Variants in ODAD2 observed in about 807,000 individuals in gnomAD.
ODAD2 encodes outer dynein arm-docking complex subunit 2.
ODAD2 carries 89 observed loss-of-function variants against 106.8 expected under a neutral mutation model. The ratio of observed to expected loss-of-function variants is 0.83; its 90% CI spans 0.70 to 0.99. The LOEUF is 0.99. ODAD2 is among the 50% of genes least tolerant of loss of function. The probability of loss-of-function intolerance (pLI) is 0.00; values close to 1 mark genes in which losing one functional copy is unlikely to be tolerated. For missense variants in ODAD2, 1,168 were observed against 1,238.5 expected (o/e 0.94, Z 0.85); for synonymous variants, 404 against 436.2 (o/e 0.93, Z 0.92).
At chr10:27,984,981 C>A (rs1266557794) in intron 4 of ODAD2, 38 bp downstream of exon 4, 18 of 1,529,830 alleles carry the variant, frequency 1.2e-5, no homozygotes, top group Admixed American at 9.4e-5. Flanking sequence ...GCAATCTTGG[C>A]TCAATACAAT....
At chr10:27,854,491 T>C (rs1839519223) in intron 19 of ODAD2, among the ~76,000 whole-genome samples, 1 of 152,140 alleles carries the variant, frequency 6.6e-6, no homozygotes, top group South Asian at 2.1e-4. Flanking sequence ...CACAGTGGCT[T>C]ACGCTTGTAA....
intron 17 of ODAD2, among the ~76,000 whole-genome samples, chr10:27,869,847 T>G (rs1564447546): frequency 6.6e-6 from 1 of 152,116 alleles, no homozygotes; most frequent in Admixed American, 6.6e-5. Context: ...CCAAGTCACT[T>G]CTAAGGGAAA....
chr10:27,816,912 G>C (rs1285755532), intron 19 of ODAD2, among the ~76,000 whole-genome samples: 2 of 152,124 alleles, frequency 1.3e-5, no homozygotes, highest in African/African-American at 4.8e-5. Context: ...ACCACACCCA[G>C]CTAATTTTTG....
intron 19 of ODAD2, among the ~76,000 whole-genome samples, chr10:27,825,711 C>T (rs1453584808): frequency 6.6e-6 from 1 of 152,172 alleles, no homozygotes; most frequent in East Asian, 1.9e-4. Flanking sequence ...ACAAGACAAT[C>T]CATAGCCTGG....
At chr10:27,842,130 C>T (rs1838349492) in intron 19 of ODAD2, among the ~76,000 whole-genome samples, 1 of 152,182 alleles carries the variant, frequency 6.6e-6, no homozygotes, top group South Asian at 2.1e-4. Flanking sequence ...GTTGTCCCTT[C>T]ATTAGTCTTC....
At chr10:27,931,640 A>G (rs1417167660) in intron 16 of ODAD2, among the ~76,000 whole-genome samples, 1 of 151,398 alleles carries the variant, frequency 6.6e-6, no homozygotes, top group South Asian at 2.1e-4. Context: ...CAGTGGATAC[A>G]ACTGAAAAGT....
Position 27,812,314 on chromosome 10 carries a change from G to A in ODAD2, c.*198C>T, listed in dbSNP as rs1038192487. ...TCCATCTTATCACATGTCATATCTCGAAAACATTAAATAGAAACAAAAGTC... is the reference window on the plus strand; with the variant it reads ...TCCATCTTATCACATGTCATATCTCAAAAACATTAAATAGAAACAAAAGTC... On this transcript the variant is annotated 3_prime_UTR_variant, in exon 20 of 20. Transcript: ENST00000305242. The A allele has an allele frequency of 3.3e-5, 18 of 551,272 alleles. No homozygotes were observed. Among genetic ancestry groups the A allele is most frequent in the African/African-American group, 4.0e-5 (2 of 50,398 alleles). The allele number at this position is 551,272 out of a possible 1,614,324, so 34.1% of individuals were successfully genotyped here.
At chr10:27,826,032 A>G (rs1404265791) in intron 19 of ODAD2, among the ~76,000 whole-genome samples, 2 of 152,186 alleles carry the variant, frequency 1.3e-5, no homozygotes, top group Non-Finnish European at 2.9e-5. Flanking sequence ...TCAATTCCAC[A>G]TTAATTAATC....
At chr10:27,973,171 C>T (rs544831097) in intron 7 of ODAD2, among the ~76,000 whole-genome samples, 1 of 151,962 alleles carries the variant, frequency 6.6e-6, no homozygotes, top group South Asian at 2.1e-4. Context: ...TTATACAATG[C>T]TCATAAAGAA....
intron 19 of ODAD2, among the ~76,000 whole-genome samples, chr10:27,819,613 A>G (rs1338680222): frequency 6.7e-6 from 1 of 148,536 alleles, no homozygotes; most frequent in Admixed American, 6.7e-5. Context: ...TTAACCAGAC[A>G]TAGGTGTGGT....
At chr10:27,986,388 A>C (rs1409637607) in intron 3 of ODAD2, among the ~76,000 whole-genome samples, 1 of 152,216 alleles carries the variant, frequency 6.6e-6, no homozygotes, top group Non-Finnish European at 1.5e-5. Flanking sequence ...TAGCAAATGG[A>C]TAAGTATTCA....
rs149168196 is a variant in ODAD2, at chr10:27,981,464, A to G, written c.936+2T>C. The G allele has an allele frequency of 1.3e-5, 20 of 1,499,206 alleles. No homozygotes were observed. The highest frequency in any genetic ancestry group is 1.8e-5 in the Non-Finnish European group (20 of 1,133,498). The allele number at this position is 1,499,206 out of a possible 1,614,324, so 92.9% of individuals were successfully genotyped here. On this transcript the variant is annotated splice_donor_variant, in intron 7 of 19. Coordinates refer to ENST00000305242, the MANE Select transcript of ODAD2 (RefSeq NM_018076.5). LOFTEE classifies it high-confidence loss of function. Reference sequence around the variant, plus strand: ...AAGCTCAAAAGAAACCATAAAACTTACCAATTTAGACATATTTTCTGAAAA... The same window carrying G: ...AAGCTCAAAAGAAACCATAAAACTTGCCAATTTAGACATATTTTCTGAAAA...
chr10:27,988,875 C>T (rs759699202), intron 2 of ODAD2, among the ~76,000 whole-genome samples: 1 of 152,080 alleles, frequency 6.6e-6, no homozygotes, highest in Non-Finnish European at 1.5e-5. Flanking sequence ...AGTCAAGGAT[C>T]CTGAGATGGG....
At chr10:27,935,617 T>C (rs1027977436) in intron 15 of ODAD2, among the ~76,000 whole-genome samples, 1 of 152,078 alleles carries the variant, frequency 6.6e-6, no homozygotes, top group African/African-American at 2.4e-5. Flanking sequence ...ATATTTTTGT[T>C]TTCAAATGCA....
intron 17 of ODAD2, among the ~76,000 whole-genome samples, chr10:27,872,717 T>C (rs1383004090): frequency 6.6e-6 from 1 of 152,228 alleles, no homozygotes; most frequent in Non-Finnish European, 1.5e-5. Context: ...CACTTGATCA[T>C]AGTGGATAAG....
At chr10:27,944,104 G>T (rs1846675162) in intron 12 of ODAD2, 118 bp downstream of exon 12, 3 of 824,742 alleles carry the variant, frequency 3.6e-6, no homozygotes, top group East Asian at 2.7e-5. Context: ...CAGACAGAAG[G>T]CTCCTGGAAC....
intron 19 of ODAD2, among the ~76,000 whole-genome samples, chr10:27,847,110 G>A (rs577694304): frequency 6.6e-6 from 1 of 152,004 alleles, no homozygotes; most frequent in Non-Finnish European, 1.5e-5. Context: ...GCCTGGCAGA[G>A]ACACAGAAAA....
chr10:27,928,443 T>C (rs927346434), intron 16 of ODAD2, among the ~76,000 whole-genome samples: 2 of 152,150 alleles, frequency 1.3e-5, no homozygotes, highest in Admixed American at 1.3e-4. Context: ...CAAGGTTTCC[T>C]GTCTCTATTA....
At chr10:27,999,336 T>G (rs992297495), upstream of ODAD2, among the ~76,000 whole-genome samples, 4 of 152,130 alleles carry the variant, frequency 2.6e-5, no homozygotes, top group African/African-American at 9.7e-5. Context: ...CCTTTTTACA[T>G]TTTTCCATAG....
Sources: allele counts gnomAD v4.1 joint callset (sites outside exome capture counted in the v4.1 genomes callset), GRCh38; gene constraint gnomAD v4.1.1; transcripts MANE v1.5; gene names NCBI Gene and HGNC (gene_info 2026-07-23, HGNC 2026-07-21).